The following RYR2 variants were observed in gnomAD, a reference collection of about 807,000 sequenced individuals.
RYR2 encodes the protein cardiac muscle ryanodine receptor-calcium release channel.
RYR2 carries 227 observed loss-of-function variants against 601.1 expected under a neutral mutation model. The ratio of observed to expected loss-of-function variants is 0.38; its 90% CI spans 0.34 to 0.42. RYR2 has a LOEUF of 0.42. Ranked by LOEUF, RYR2 falls within the 10% of genes least tolerant of loss-of-function variation. RYR2 has a pLI of 1.00. For missense variants in RYR2, 4,646 were observed against 6,156.5 expected (o/e 0.75, Z 8.21); for synonymous variants, 2,223 against 2,175.1 (o/e 1.02, Z -0.61).
intron 3 of RYR2, among the ~76,000 whole-genome samples, chr1:237,342,276 AG>A (rs1320585504): frequency 9.9e-5 from 15 of 151,234 alleles, no homozygotes; most frequent in African/African-American, 3.4e-4. Context: ...CTGAGTAGCC[AG>A]GACCACAGGC....
At chr1:237,607,501 C>G (rs1677274909) in intron 35 of RYR2, among the ~76,000 whole-genome samples, 1 of 152,026 alleles carries the variant, frequency 6.6e-6, no homozygotes, top group Admixed American at 6.6e-5. Context: ...GTGCAGCACA[C>G]CAACATGGCA....
At position 237,719,415 on chromosome 1, in the gene RYR2, G is replaced by A. The variant is rs1001276288; in HGVS notation, c.10554+894G>A. On this transcript the variant is annotated intron_variant, in intron 73 of 104. Coordinates refer to ENST00000366574, the MANE Select transcript of RYR2 (RefSeq NM_001035.3). Reference sequence around the variant, plus strand: ...AGAGGTTTAATTGATTCACGGTTCTGCAGGCTGTACAGAAAGTATAACACG... The same window carrying A: ...AGAGGTTTAATTGATTCACGGTTCTACAGGCTGTACAGAAAGTATAACACG... Among the ~76,000 whole-genome samples the A allele has an allele frequency of 5.3e-5, 8 of 152,246 alleles. No individual in the cohort carries two copies. In the South Asian group the frequency reaches 1.2e-3, roughly 24 times the overall value.
chr1:237,371,507 A>G (rs879732317), intron 6 of RYR2, among the ~76,000 whole-genome samples: 1 of 152,182 alleles, frequency 6.6e-6, no homozygotes, highest in Non-Finnish European at 1.5e-5. Flanking sequence ...TGTTGTTTAT[A>G]TTGTCAACAT....
At chr1:237,056,415 A>C (rs1005975624) in intron 1 of RYR2, among the ~76,000 whole-genome samples, 1 of 143,110 alleles carries the variant, frequency 7.0e-6, no homozygotes, top group African/African-American at 2.6e-5. Flanking sequence ...GGACTGCAGC[A>C]CTGCACCTGT....
intron 39 of RYR2, 137 bp downstream of exon 39, chr1:237,624,007 T>C: frequency 1.6e-6 from 1 of 643,838 alleles, no homozygotes; most frequent in Non-Finnish European, 2.7e-6. Flanking sequence ...AAAACATTTA[T>C]TATTATGGCA....
intron 19 of RYR2, among the ~76,000 whole-genome samples, chr1:237,495,358 T>C (rs569171890): frequency 3.0e-4 from 46 of 152,294 alleles, no homozygotes; most frequent in Non-Finnish European, 6.2e-4. Flanking sequence ...CACACTGTGC[T>C]GGAAAAATGG....
In RYR2 at chr1:237,276,462, T is replaced by C. The variant is rs75294520; in HGVS notation, c.168+5846T>C. On this transcript the variant is annotated intron_variant, in intron 2 of 104. Transcript: ENST00000366574. Reference sequence around the variant, plus strand: ...ATGAATTAAACAACCAGATGAAAACTGGGAGAAGAACAACAAAGCAAAATA... The same window carrying C: ...ATGAATTAAACAACCAGATGAAAACCGGGAGAAGAACAACAAAGCAAAATA... Among the ~76,000 whole-genome samples, 80 of 152,170 alleles carry C rather than the reference T, an allele frequency of 5.3e-4. 1 individual carries two copies. The East Asian group carries it at 0.014, about 27-fold the overall frequency.
intron 3 of RYR2, among the ~76,000 whole-genome samples, chr1:237,337,856 T>C (rs1697397900): frequency 6.6e-6 from 1 of 152,232 alleles, no homozygotes; most frequent in Non-Finnish European, 1.5e-5. Context: ...CCTTTACAAG[T>C]TACCGCTAAG....
intron 67 of RYR2, 105 bp downstream of exon 67, chr1:237,705,448 C>A: frequency 1.1e-6 from 1 of 908,058 alleles, no homozygotes; most frequent in Non-Finnish European, 1.6e-6. Flanking sequence ...TTTACTATAT[C>A]CAATCTTGTT....
rs138638614 is a variant in RYR2, at chr1:237,599,385, T to C, written c.4597-2640T>C. 5.0e-3 allele frequency among the ~76,000 whole-genome samples: 761 copies of C among 152,282 alleles called. 2 individuals carry two copies. Among genetic ancestry groups the C allele is most frequent in the Non-Finnish European group, 7.7e-3 (524 of 68,012 alleles). The stretch of plus-strand genomic sequence containing the variant: ...ATATATAAAAATACCTTTAAAAGTT[T>C]ACTAAAAAACTGTTAAAACTAATAC... On this transcript the variant is annotated intron_variant, in intron 34 of 104. Transcript: ENST00000366574.
intron 76 of RYR2, among the ~76,000 whole-genome samples, chr1:237,728,872 G>T (rs1690434598): frequency 6.6e-6 from 1 of 151,966 alleles, no homozygotes; most frequent in African/African-American, 2.4e-5. Context: ...GATAGGTGCA[G>T]CAAACCACCA....
At chr1:237,648,363 A>G in intron 48 of RYR2, 81 bp from the exon 49 acceptor site, 1 of 1,186,898 alleles carries the variant, frequency 8.4e-7, no homozygotes, top group Non-Finnish European at 1.1e-6. Context: ...TTAAAATGTA[A>G]GAAGTCTAGA....
intron 27 of RYR2, among the ~76,000 whole-genome samples, chr1:237,565,198 TC>T (rs1368362598): frequency 7.9e-5 from 11 of 139,286 alleles, no homozygotes; most frequent in African/African-American, 2.8e-4. Flanking sequence ...TTTCTTTCTT[TC>T]TTTCTTTCTT....
At chr1:237,070,031 C>T (rs1305595939) in intron 1 of RYR2, among the ~76,000 whole-genome samples, 2 of 135,804 alleles carry the variant, frequency 1.5e-5, no homozygotes, top group Non-Finnish European at 3.1e-5. Context: ...GGTGTTTTAA[C>T]TTTTTTTTTT....
At chr1:237,584,854 G>T (rs1674348697) in intron 29 of RYR2, among the ~76,000 whole-genome samples, 1 of 151,566 alleles carries the variant, frequency 6.6e-6, no homozygotes, top group Non-Finnish European at 1.5e-5. Context: ...ATAGCTCTTT[G>T]AAAAACAAAG....
At chr1:237,726,962 A>ATAGAT in intron 75 of RYR2, 125 bp from the exon 76 acceptor site, 1 of 588,656 alleles carries the variant, frequency 1.7e-6, no homozygotes, top group Non-Finnish European at 3.1e-6. Context: ...AATTCCAAAT[A>ATAGAT]TAGATTACTT....
intron 29 of RYR2, among the ~76,000 whole-genome samples, chr1:237,571,299 C>G (rs1312396601): frequency 1.5e-5 from 2 of 136,532 alleles, no homozygotes; most frequent in African/African-American, 2.6e-5. Flanking sequence ...ACCAGTATTT[C>G]TTTTTCTTTT....
intron 1 of RYR2, among the ~76,000 whole-genome samples, chr1:237,148,531 T>A (rs1974270): frequency 0.015 from 1,181 of 77,494 alleles, 10 homozygotes; most frequent in East Asian, 0.023. Flanking sequence ...AAAAAAAATA[T>A]ATATATATAT....
intron 25 of RYR2, among the ~76,000 whole-genome samples, chr1:237,541,140 AC>A (rs574219936): frequency 5.3e-5 from 8 of 152,236 alleles, no homozygotes; most frequent in African/African-American, 1.7e-4. Context: ...GAAAAGAAAA[AC>A]CCTTAGATAC....
Sources: gnomAD v4.1 joint callset for allele counts (sites outside exome capture counted in the v4.1 genomes callset) on GRCh38, gnomAD v4.1.1 for gene constraint, MANE v1.5 for transcripts, NCBI Gene and HGNC (gene_info 2026-07-23, HGNC 2026-07-21) for gene names.